TCERG1L: variants seen among roughly 807,000 people sequenced by gnomAD.
The protein encoded by TCERG1L is transcription elongation regulator 1-like protein.
In TCERG1L, 37 loss-of-function variants were observed where a neutral mutation model predicts 56.3. The ratio of observed to expected loss-of-function variants is 0.66; its 90% CI spans 0.51 to 0.87. TCERG1L has a LOEUF of 0.87. TCERG1L is among the 40% of genes least tolerant of loss of function. The probability of loss-of-function intolerance (pLI) is 0.00; values close to 1 mark genes in which losing one functional copy is unlikely to be tolerated. For synonymous variants in TCERG1L, 324 were observed against 326.3 expected (o/e 0.99, Z 0.08); for missense variants, 799 against 774.2 (o/e 1.03, Z -0.38).
intron 7 of TCERG1L, among the ~76,000 whole-genome samples, chr10:131,134,892 TC>T (rs1267253036): frequency 1.1e-4 from 17 of 152,220 alleles, no homozygotes; most frequent in African/African-American, 3.9e-4. Flanking sequence ...TCAGCTCCTC[TC>T]CATCCACTGC....
intron 5 of TCERG1L, among the ~76,000 whole-genome samples, chr10:131,163,424 G>C (rs781760810): frequency 1.6e-4 from 25 of 152,274 alleles, no homozygotes; most frequent in South Asian, 6.2e-4. Flanking sequence ...CCTGGACAAA[G>C]GCACCCCTCA....
chr10:131,215,388 G>A (rs1845660054), intron 4 of TCERG1L, among the ~76,000 whole-genome samples: 1 of 152,166 alleles, frequency 6.6e-6, no homozygotes, highest in Admixed American at 6.5e-5. Flanking sequence ...ACCTTAAAAT[G>A]TATATTTAAA....
chr10:131,275,222 T>C (rs1846379369), intron 3 of TCERG1L, among the ~76,000 whole-genome samples: 1 of 152,094 alleles, frequency 6.6e-6, no homozygotes, highest in Admixed American at 6.5e-5. Context: ...AAGCTCAAAA[T>C]GTCACTGGGC....
intron 4 of TCERG1L, among the ~76,000 whole-genome samples, chr10:131,185,046 T>C (rs1845221115): frequency 2.0e-5 from 3 of 152,090 alleles, no homozygotes; most frequent in Admixed American, 2.0e-4. Flanking sequence ...CAGTGGGCCA[T>C]GATGATGCCA....
intron 4 of TCERG1L, among the ~76,000 whole-genome samples, chr10:131,186,672 C>T (rs1251322537): frequency 2.6e-5 from 4 of 152,142 alleles, no homozygotes; most frequent in East Asian, 1.9e-4. Flanking sequence ...AATGTGTCCC[C>T]GAGGAGCCCC....
At chr10:131,293,756 AT>A (rs1268537651) in intron 3 of TCERG1L, among the ~76,000 whole-genome samples, 1 of 152,124 alleles carries the variant, frequency 6.6e-6, no homozygotes, top group Non-Finnish European at 1.5e-5. Context: ...GTTAAGCCAC[AT>A]TTCATGTTTC....
chr10:131,146,413 A>C, intron 7 of TCERG1L, 93 bp downstream of exon 7: 1 of 1,365,588 alleles, frequency 7.3e-7, no homozygotes, highest in East Asian at 2.3e-5. Context: ...TTTTCAACAT[A>C]ACCAAGAAGA....
In TCERG1L at chr10:131,153,375, G is replaced by C. The variant is rs1014010471; in HGVS notation, c.1035-6715C>G. 5.1e-4 allele frequency among the ~76,000 whole-genome samples: 78 copies of C among 152,106 alleles called. 1 individual carries two copies. Among genetic ancestry groups the C allele is most frequent in the African/African-American group, 1.7e-3 (72 of 41,404 alleles). ...GGAAGCTGGGTTCCCTTGCTCCTCT[G>C]CTGGGCTGCTCACCCTAAGCCCCGC... On this transcript the variant is annotated intron_variant, in intron 6 of 11. Transcript: ENST00000368642.
At chr10:131,107,114 T>C (rs545767217) in intron 9 of TCERG1L, among the ~76,000 whole-genome samples, 4 of 151,952 alleles carry the variant, frequency 2.6e-5, no homozygotes, top group Admixed American at 2.0e-4. Context: ...GCAGAATGGA[T>C]CCCTTTAGCT....
chr10:131,165,719 G>A (rs890339826), intron 5 of TCERG1L, among the ~76,000 whole-genome samples: 1 of 152,196 alleles, frequency 6.6e-6, no homozygotes, highest in Non-Finnish European at 1.5e-5. Context: ...AGAGTAGGAT[G>A]TAATTTGTGA....
chr10:131,201,410 G>A (rs987904933), intron 4 of TCERG1L, among the ~76,000 whole-genome samples: 8 of 152,168 alleles, frequency 5.3e-5, no homozygotes, highest in Admixed American at 6.5e-5. Context: ...ACACGTGATC[G>A]TGGGAGCACA....
intron 4 of TCERG1L, among the ~76,000 whole-genome samples, chr10:131,203,668 C>G (rs1385240752): frequency 6.6e-6 from 1 of 152,316 alleles, no homozygotes; most frequent in East Asian, 1.9e-4. Context: ...TACCGAGTTT[C>G]AGAGAGGTTG....
At chr10:131,259,089 G>A (rs1047799687) in intron 4 of TCERG1L, among the ~76,000 whole-genome samples, 1 of 152,044 alleles carries the variant, frequency 6.6e-6, no homozygotes, top group Non-Finnish European at 1.5e-5. Flanking sequence ...TACAATATCC[G>A]ACTTATCAAC....
rs1589723610 is a variant in TCERG1L, at chr10:131,130,898, G to A, written c.1259+3481C>T. Among the ~76,000 whole-genome samples the A allele has an allele frequency of 2.6e-5, 4 of 152,152 alleles. No individual in the cohort carries two copies. In the Middle Eastern group the frequency reaches 0.014, roughly 518 times the overall value. On this transcript the variant is annotated intron_variant, in intron 8 of 11. Transcript: ENST00000368642. Reference sequence around the variant, plus strand: ...CCAGTGATCTCTGCATCCCTGCAGGGACGGGCATCAACCCCCCGGCAAACC... The same window carrying A: ...CCAGTGATCTCTGCATCCCTGCAGGAACGGGCATCAACCCCCCGGCAAACC...
At chr10:131,254,189 A>G (rs1309900538) in intron 4 of TCERG1L, among the ~76,000 whole-genome samples, 1 of 151,940 alleles carries the variant, frequency 6.6e-6, no homozygotes, top group Non-Finnish European at 1.5e-5. Context: ...TGGGGGACAA[A>G]TGGAGGGCTG....
At chr10:131,277,442 A>G (rs1446016973) in intron 3 of TCERG1L, among the ~76,000 whole-genome samples, 1 of 152,212 alleles carries the variant, frequency 6.6e-6, no homozygotes, top group Non-Finnish European at 1.5e-5. Flanking sequence ...CCGGGGAGAT[A>G]GTGGCCTGGC....
chr10:131,282,038 A>C (rs1012378192), intron 3 of TCERG1L, among the ~76,000 whole-genome samples: 2 of 148,050 alleles, frequency 1.4e-5, no homozygotes, highest in African/African-American at 5.0e-5. Flanking sequence ...CGGGAGGCTG[A>C]GGCAGGAGAA....
At chr10:131,297,459 G>A (rs1040744049) in intron 3 of TCERG1L, among the ~76,000 whole-genome samples, 3 of 152,252 alleles carry the variant, frequency 2.0e-5, no homozygotes, top group African/African-American at 7.2e-5. Flanking sequence ...CTTTAAATAT[G>A]GCTGGATTTG....
intron 6 of TCERG1L, among the ~76,000 whole-genome samples, chr10:131,157,196 C>T (rs879923550): frequency 5.3e-5 from 8 of 152,170 alleles, no homozygotes; most frequent in Admixed American, 1.3e-4. Context: ...TTGTCAACTT[C>T]CCAAAGTGCA....
Sources: gnomAD v4.1 joint callset for allele counts (sites outside exome capture counted in the v4.1 genomes callset) on GRCh38, gnomAD v4.1.1 for gene constraint, MANE v1.5 for transcripts, NCBI Gene and HGNC (gene_info 2026-07-23, HGNC 2026-07-21) for gene names.